ARL2BP: variants seen among roughly 807,000 people sequenced by gnomAD.
ARL2BP encodes ADP-ribosylation factor-like protein 2-binding protein.
In ARL2BP, 19 loss-of-function variants were observed where a neutral mutation model predicts 24.2. The observed-to-expected ratio is 0.79, with a 90% CI of 0.55 to 1.15. ARL2BP has a LOEUF of 1.15. ARL2BP is among the 50% of genes most tolerant of loss of function. The pLI, the probability that ARL2BP is intolerant of heterozygous loss-of-function variation, is 0.00. For missense variants in ARL2BP, 160 were observed against 190.4 expected (o/e 0.84, Z 0.94); for synonymous variants, 56 against 70.5 (o/e 0.79, Z 1.03).
chr16:57,252,151 T>G lies in ARL2BP; in HGVS notation c.391-15T>G. 6.2e-7 allele frequency: 1 copy of G among 1,612,612 alleles called. No homozygotes were observed. On this transcript the variant is annotated splice_polypyrimidine_tract_variant and intron_variant, in intron 5 of 5. Coordinates refer to ENST00000219204, the MANE Select transcript of ARL2BP (RefSeq NM_012106.4). Reference sequence around the variant, plus strand: ...GGCTCTTTCTAGTCCTTCCTTTGGTTGTTTTCTCATATAGGAAAAAGAAGG... The same window carrying G: ...GGCTCTTTCTAGTCCTTCCTTTGGTGGTTTTCTCATATAGGAAAAAGAAGG...
intron 3 of ARL2BP, chr16:57,248,942 A>C (rs1466584948): frequency 5.4e-5 from 9 of 165,544 alleles, no homozygotes; most frequent in Admixed American, 3.2e-4. Flanking sequence ...TGGAAGAATC[A>C]CTTGAGCTTA....
intron 3 of ARL2BP, 84 bp from the exon 4 acceptor site, chr16:57,249,683 T>TAAAAAA: frequency 7.1e-6 from 8 of 1,126,008 alleles, no homozygotes; most frequent in Admixed American, 3.5e-5. Flanking sequence ...CAGGAAATGT[T>TAAAAAA]TAGAAAGGGC....
chr16:57,252,175 G>C lies in ARL2BP; in HGVS notation c.400G>C (p.Gly134Arg). 1 of 1,613,946 alleles carries C rather than the reference G, an allele frequency of 6.2e-7. No individual in the cohort carries two copies. ...MFLDYRAEKE[G>R]RGLDLSSGLV... ...TTGTTTTCTCATATAGGAAAAAGAA[G>C]GCCGAGGACTGGACTTAAGCAGTGG... Residue 134 changes from glycine to arginine, a missense_variant, in exon 6 of 6, where the codon GGC becomes CGC. By Grantham distance (125) the Gly-to-Arg change is moderately radical. Transcript: ENST00000219204.
chr16:57,249,503 C>T, intron 3 of ARL2BP: 1 of 472,994 alleles, frequency 2.1e-6, no homozygotes, highest in Non-Finnish European at 3.8e-6. Context: ...GGTGTGGGTA[C>T]CGTGCTACTC....
Position 57,245,301 on chromosome 16 carries a change from C to T in ARL2BP, c.-67C>T, listed in dbSNP as rs372958679. 259 of 1,562,678 alleles carry T rather than the reference C, an allele frequency of 1.7e-4. 2 individuals carry two copies. The highest frequency in any genetic ancestry group is 1.4e-3 in the South Asian group (117 of 85,362). On this transcript the variant is annotated 5_prime_UTR_variant, in exon 1 of 6. Coordinates refer to ENST00000219204, the MANE Select transcript of ARL2BP (RefSeq NM_012106.4). ...CTTGGCTGAGAGGCCTTAACCCCGCCGGGCGGCCGCGCCCTGCATGCGAGT... is the reference window on the plus strand; with the variant it reads ...CTTGGCTGAGAGGCCTTAACCCCGCTGGGCGGCCGCGCCCTGCATGCGAGT...
intron 4 of ARL2BP, 94 bp from the exon 5 acceptor site, chr16:57,250,317 G>T: frequency 9.2e-7 from 1 of 1,085,590 alleles, no homozygotes; most frequent in Non-Finnish European, 1.4e-6. Flanking sequence ...AATAATGCGG[G>T]GGGTGGGGCT....
intron 1 of ARL2BP, 111 bp downstream of exon 1, chr16:57,245,516 C>G (rs2075387443): frequency 1.4e-6 from 2 of 1,430,052 alleles, no homozygotes; most frequent in Admixed American, 2.1e-5. Context: ...CGGGCCGGGC[C>G]GGGCAGGGTG....
chr16:57,252,248 A>T lies in ARL2BP; in HGVS notation c.473A>T (p.Gln158Leu). Residue 158 changes from glutamine to leucine, a missense_variant, in exon 6 of 6, where the codon CAG (glutamine) becomes CTG (leucine). Physicochemically the swap from Gln to Leu is moderately radical, Grantham distance 113 (BLOSUM62 -2). Transcript: ENST00000219204. ...AAATCATCTTCTCTGCCAGCTTCCC[A>T]GAACAATCTGCGGCACTAGGTCCTA... is the stretch of plus-strand genomic sequence containing the variant. Reference protein sequence around the residue: ...LCKSSSLPASQNNLRH With the variant: ...LCKSSSLPASLNNLRH 6.2e-7 allele frequency: 1 copy of T among 1,614,208 alleles called. No individual in the cohort carries two copies. The highest frequency in any genetic ancestry group is 1.6e-4 in the Middle Eastern group (1 of 6,062).
Position 57,249,866 on chromosome 16 carries a change from G to C in ARL2BP, c.293+14G>C. The C allele has an allele frequency of 6.2e-7, 1 of 1,612,644 alleles. No homozygotes were observed. Among genetic ancestry groups the C allele is most frequent in the Non-Finnish European group, 8.5e-7 (1 of 1,178,664 alleles). ...CACAACATTACAGTGAGTTGAGCTT[G>C]ACTGATTTTTGTGTTTTGTTTTGTT... On this transcript the variant is annotated intron_variant, in intron 4 of 5. Transcript: ENST00000219204.
Position 57,252,562 on chromosome 16 carries a change from G to C in ARL2BP, c.*295G>C. The C allele has an allele frequency of 2.4e-6, 1 of 422,204 alleles. No individual in the cohort carries two copies. Among genetic ancestry groups the C allele is most frequent in the Non-Finnish European group, 4.3e-6 (1 of 230,514 alleles). The allele number at this position is 422,204 out of a possible 1,614,324, so 26.2% of individuals were successfully genotyped here. On this transcript the variant is annotated 3_prime_UTR_variant, in exon 6 of 6. Coordinates refer to ENST00000219204, the MANE Select transcript of ARL2BP (RefSeq NM_012106.4). ...GAGCCCTATGTCAGGCACTCCACCTGGGGGGCCCTTCCCCAGCATACCTGC... is the reference window on the plus strand; with the variant it reads ...GAGCCCTATGTCAGGCACTCCACCTCGGGGGCCCTTCCCCAGCATACCTGC...
chr16:57,250,349 A>G, intron 4 of ARL2BP, 62 bp from the exon 5 acceptor site: 3 of 1,489,376 alleles, frequency 2.0e-6, no homozygotes, highest in Non-Finnish European at 2.8e-6. Context: ...AAGAAAAACG[A>G]AAGCAATCTT....
At chr16:57,250,379 A>G (rs370623214) in intron 4 of ARL2BP, 32 bp from the exon 5 acceptor site, 6 of 1,582,736 alleles carry the variant, frequency 3.8e-6, no homozygotes, top group Non-Finnish European at 5.2e-6. Flanking sequence ...CTCATCATTC[A>G]TTCACGAAAC....
At chr16:57,248,736 A>C in intron 3 of ARL2BP, 93 bp downstream of exon 3, 2 of 655,348 alleles carry the variant, frequency 3.1e-6, no homozygotes, top group East Asian at 3.0e-5. Flanking sequence ...TGCCTTTTAA[A>C]ATATGCCACC....
chr16:57,249,105 T>C (rs1352824511), intron 3 of ARL2BP: 1 of 152,732 alleles, frequency 6.5e-6, no homozygotes, highest in Non-Finnish European at 1.5e-5. Context: ...ATTTGCATGC[T>C]TTTGACAAAC....
intron 2 of ARL2BP, 79 bp from the exon 3 acceptor site, chr16:57,248,458 C>A: frequency 1.2e-6 from 1 of 835,520 alleles, no homozygotes; most frequent in Non-Finnish European, 1.9e-6. Flanking sequence ...GTACTGCTGA[C>A]ATAGATCCTG....
At chr16:57,251,363 T>C (rs566351410) in intron 5 of ARL2BP, 1 of 150,888 alleles carries the variant, frequency 6.6e-6, no homozygotes, top group South Asian at 2.1e-4. Context: ...ATTGTACTGC[T>C]ACAGTCCAGC....
intron 2 of ARL2BP, among the ~76,000 whole-genome samples, chr16:57,246,788 A>G (rs184062747): frequency 4.5e-3 from 681 of 152,348 alleles, no homozygotes; most frequent in Non-Finnish European, 7.0e-3. Context: ...TGGGCGACAG[A>G]GCGAGACTCC....
rs1265798182 is a variant in ARL2BP at position 57,248,645 on chromosome 16, T to C, written c.207+2T>C. The C allele has an allele frequency of 3.3e-6, 5 of 1,518,536 alleles. No individual in the cohort carries two copies. Among genetic ancestry groups the C allele is most frequent in the Non-Finnish European group, 4.5e-6 (5 of 1,116,696 alleles). The allele number at this position is 1,518,536 out of a possible 1,614,324, so 94.1% of individuals were successfully genotyped here. A position where few individuals can be genotyped will look rare whatever the true frequency, so the allele number is the denominator to read the frequency against. On this transcript the variant is annotated splice_donor_variant, in intron 3 of 5. Transcript: ENST00000219204. LOFTEE classifies it high-confidence loss of function. ...TACACACCTATTTTTAATGAATACG[T>C]AAGTAGATTTCTATGTCTCCTACCA...
intron 3 of ARL2BP, 69 bp downstream of exon 3, chr16:57,248,712 A>G: frequency 2.1e-6 from 2 of 935,520 alleles, no homozygotes; most frequent in Non-Finnish European, 3.2e-6. Context: ...GATTCAAAAG[A>G]CATTGAAATT....
Sources: allele counts gnomAD v4.1 joint callset (sites outside exome capture counted in the v4.1 genomes callset), GRCh38; gene constraint gnomAD v4.1.1; transcripts MANE v1.5; gene names NCBI Gene and HGNC (gene_info 2026-07-23, HGNC 2026-07-21).